IGSF3: variants seen among roughly 807,000 people sequenced by gnomAD.
IGSF3 encodes immunoglobulin superfamily member 3.
A neutral mutation model predicts 114.4 loss-of-function variants in IGSF3; 23 were observed. The observed-to-expected ratio is 0.20, with a 90% CI of 0.14 to 0.28. The LOEUF (loss-of-function observed/expected upper bound fraction) is 0.28. Ranked by LOEUF, IGSF3 falls within the 10% of genes least tolerant of loss-of-function variation. The pLI is 1.00. For missense variants in IGSF3, 1,172 were observed against 1,591.5 expected (o/e 0.74, Z 4.48); for synonymous variants, 571 against 645.2 (o/e 0.88, Z 1.74).
chr1:116,607,908 A>G lies in IGSF3; in HGVS notation c.1222+34T>C. On this transcript the variant is annotated intron_variant, in intron 5 of 10. Coordinates refer to ENST00000369486, the MANE Select transcript of IGSF3 (RefSeq NM_001007237.3). The surrounding 1 kb of genome is among the most constrained non-coding windows in gnomAD (Gnocchi z 6.1). ...TACCTCTCCTAAATGATGCTGAGCCAAAGGAGAAGAAAGCAGCACATCTCT... is the reference window on the plus strand; with the variant it reads ...TACCTCTCCTAAATGATGCTGAGCCGAAGGAGAAGAAAGCAGCACATCTCT... 6.2e-7 allele frequency: 1 copy of G among 1,603,534 alleles called. No individual in the cohort carries two copies. The highest frequency in any genetic ancestry group is 1.7e-5 in the Admixed American group (1 of 59,744).
At chr1:116,640,352 G>A (rs1648036024) in intron 2 of IGSF3, among the ~76,000 whole-genome samples, 1 of 152,098 alleles carries the variant, frequency 6.6e-6, no homozygotes, top group Non-Finnish European at 1.5e-5. Flanking sequence ...AAGCATTACA[G>A]GCTGTGCTTC....
intron 2 of IGSF3, among the ~76,000 whole-genome samples, chr1:116,619,664 C>T (rs1661349094): frequency 1.3e-5 from 2 of 152,206 alleles, no homozygotes; most frequent in African/African-American, 4.8e-5. Flanking sequence ...CCTCTGCTGC[C>T]TCCAAAGAGA....
intron 4 of IGSF3, among the ~76,000 whole-genome samples, chr1:116,609,517 C>T (rs1388144881): frequency 6.6e-6 from 1 of 152,096 alleles, no homozygotes; most frequent in Non-Finnish European, 1.5e-5. Context: ...CATTAGACAG[C>T]TATCGTATCT....
chr1:116,623,354 T>G (rs1661477859), intron 2 of IGSF3, among the ~76,000 whole-genome samples: 1 of 152,196 alleles, frequency 6.6e-6, no homozygotes, highest in Non-Finnish European at 1.5e-5. Context: ...ATGCAGAATC[T>G]GAGGCAAGGA....
Position 116,624,455 on chromosome 1 carries a change from T to C in IGSF3, c.44-7998A>G, listed in dbSNP as rs1330822157. ...GAAGGATTAAATGAGTTGCTACATT[T>C]AAAACTTAATTCCTGGCACACAATA... On this transcript the variant is annotated intron_variant, in intron 2 of 10. Transcript: ENST00000369486. This position sits in a 1 kb window ranked among gnomAD's most constrained non-coding sequence, Gnocchi z 4.9. 1.3e-5 allele frequency among the ~76,000 whole-genome samples: 2 copies of C among 152,210 alleles called. No individual in the cohort carries two copies. Among genetic ancestry groups the C allele is most frequent in the African/African-American group, 4.8e-5 (2 of 41,450 alleles).
intron 2 of IGSF3, among the ~76,000 whole-genome samples, chr1:116,653,553 A>G (rs945307320): frequency 6.6e-6 from 1 of 152,198 alleles, no homozygotes; most frequent in African/African-American, 2.4e-5. Flanking sequence ...TTTGTATTGC[A>G]TAATGTTTTA....
At position 116,633,325 on chromosome 1, in the gene IGSF3, G is replaced by T. The variant is rs1162137942; in HGVS notation, c.44-16868C>A. Among the ~76,000 whole-genome samples the T allele has an allele frequency of 6.6e-6, 1 of 152,144 alleles. No homozygotes were observed. Among genetic ancestry groups the T allele is most frequent in the East Asian group, 1.9e-4 (1 of 5,198 alleles). Reference sequence around the variant, plus strand: ...CAGGAAGTCCAGCAGAGTTGGTTTTGGTTTGGGGGTGTTTTTTGAGTTGGG... The same window carrying T: ...CAGGAAGTCCAGCAGAGTTGGTTTTTGTTTGGGGGTGTTTTTTGAGTTGGG... On this transcript the variant is annotated intron_variant, in intron 2 of 10. Transcript: ENST00000369486. The surrounding 1 kb of genome is among the most constrained non-coding windows in gnomAD (Gnocchi z 4.3).
rs1377176381 is a variant in IGSF3 at position 116,616,430 on chromosome 1, G to A, written c.71C>T (p.Thr24Ile). The change falls in exon 3 of 11, where the codon ACC becomes ATC. Residue 24 changes from threonine (T) to isoleucine (I), a missense_variant. By Grantham distance (89) the Thr-to-Ile change is moderately conservative. Around this residue, in one of 3 missense-constraint regions of IGSF3, gnomAD observed 736 missense variants for 1,042.0 expected, o/e 0.71. Coordinates refer to ENST00000369486, the MANE Select transcript of IGSF3 (RefSeq NM_001007237.3). This position sits in a 1 kb window ranked among gnomAD's most constrained non-coding sequence, Gnocchi z 6.6. ...GCGGTACAAGGGTCCTTCCTGAACG[G>A]TGACCTGCCGCTGTGCTGACACCAC... ...LGVVSAQRQV[T>I]VQEGPLYRTE... is the part of the protein sequence containing the mutation. 1 of 1,602,264 alleles carries A rather than the reference G, an allele frequency of 6.2e-7. No individual in the cohort carries two copies.
At chr1:116,619,286 T>C (rs1349819786) in intron 2 of IGSF3, among the ~76,000 whole-genome samples, 2 of 152,152 alleles carry the variant, frequency 1.3e-5, no homozygotes, top group Non-Finnish European at 2.9e-5. Flanking sequence ...CCAGAATGCA[T>C]CCTATTTACA....
rs114436520 is a variant in IGSF3, at chr1:116,661,631, C to T, written c.43+4653G>A. Among the ~76,000 whole-genome samples, 2,132 of 152,266 alleles carry T rather than the reference C, an allele frequency of 0.014. 53 individuals carry two copies. The highest frequency in any genetic ancestry group is 0.048 in the African/African-American group (2,006 of 41,534). ...CGGAATAGCTTATTAGATGTAAGAA[C>T]ACAGGATTTGGAACCAAATGGTCCT... On this transcript the variant is annotated intron_variant, in intron 2 of 10. Transcript: ENST00000369486. This position sits in a 1 kb window ranked among gnomAD's most constrained non-coding sequence, Gnocchi z 4.0.
Position 116,607,956 on chromosome 1 carries a change from A to G in IGSF3, c.1208T>C (p.Ile403Thr). 3 of 1,613,900 alleles carry G rather than the reference A, an allele frequency of 1.9e-6. No individual in the cohort carries two copies. The highest frequency in any genetic ancestry group is 1.7e-6 in the Non-Finnish European group (2 of 1,179,796). Residue 403 changes from isoleucine to threonine, a missense_variant, in exon 5 of 11, where the codon ATA becomes ACA. Ile to Thr is a moderately conservative substitution (Grantham distance 89, BLOSUM62 -1). Around this residue, in one of 3 missense-constraint regions of IGSF3, gnomAD observed 736 missense variants for 1,042.0 expected, o/e 0.71. Coordinates refer to ENST00000369486, the MANE Select transcript of IGSF3 (RefSeq NM_001007237.3). This position sits in a 1 kb window ranked among gnomAD's most constrained non-coding sequence, Gnocchi z 6.1. ...ESKRPKNIPI[I>T]VLPLKSSISV... ...TCTCTACTTACTGAGGGGGAGGACT[A>G]TGATGGGGATGTTCTTGGGACGCTT...
chr1:116,595,131 T>C lies in IGSF3; in HGVS notation c.2029+4810A>G, dbSNP rs1166760077. ...GGGCAAGGGGAAAGCAGCAAGAGTC[T>C]GCAGGTGGAAATAGCTAATGAAGGT... is the stretch of plus-strand genomic sequence containing the variant. On this transcript the variant is annotated intron_variant, in intron 7 of 10. Transcript: ENST00000369486. This position sits in a 1 kb window ranked among gnomAD's most constrained non-coding sequence, Gnocchi z 4.2. 6.6e-6 allele frequency among the ~76,000 whole-genome samples: 1 copy of C among 152,142 alleles called. No homozygotes were observed. Among genetic ancestry groups the C allele is most frequent in the Non-Finnish European group, 1.5e-5 (1 of 68,020 alleles).
In IGSF3 at chr1:116,664,396, C is replaced by T. The variant is rs1057048630; in HGVS notation, c.43+1888G>A. 6.6e-6 allele frequency among the ~76,000 whole-genome samples: 1 copy of T among 152,218 alleles called. No homozygotes were observed. The highest frequency in any genetic ancestry group is 1.5e-5 in the Non-Finnish European group (1 of 68,034). ...GCAGGGGGACCAGCATGCAGCCTTA[C>T]ATTACTTGAGCAGCCAGAAGAAACA... On this transcript the variant is annotated intron_variant, in intron 2 of 10. Transcript: ENST00000369486. This position sits in a 1 kb window ranked among gnomAD's most constrained non-coding sequence, Gnocchi z 4.6.
chr1:116,597,437 T>C (rs1462285109), intron 7 of IGSF3, among the ~76,000 whole-genome samples: 1 of 152,176 alleles, frequency 6.6e-6, no homozygotes, highest in African/African-American at 2.4e-5. Context: ...ACAGTAACAC[T>C]TAAGGGGATG....
rs1659675907 is a variant in IGSF3 at position 116,583,332 on chromosome 1, G to A, written c.2848+1313C>T. Among the ~76,000 whole-genome samples the A allele has an allele frequency of 6.6e-6, 1 of 152,118 alleles. No individual in the cohort carries two copies. Among genetic ancestry groups the A allele is most frequent in the Non-Finnish European group, 1.5e-5 (1 of 68,026 alleles). On this transcript the variant is annotated intron_variant, in intron 9 of 10. Coordinates refer to ENST00000369486, the MANE Select transcript of IGSF3 (RefSeq NM_001007237.3). The surrounding 1 kb of genome is among the most constrained non-coding windows in gnomAD (Gnocchi z 4.5). ...GGAAAAGACATGCAGCCATTTCTAG[G>A]CAAGGTAAAAAGCAAAAAATATAAA...
rs1348654808 is a variant in IGSF3, at chr1:116,595,440, G to T, written c.2029+4501C>A. Among the ~76,000 whole-genome samples, 1 of 152,224 alleles carries T rather than the reference G, an allele frequency of 6.6e-6. No homozygotes were observed. The highest frequency in any genetic ancestry group is 1.5e-5 in the Non-Finnish European group (1 of 68,032). On this transcript the variant is annotated intron_variant, in intron 7 of 10. Transcript: ENST00000369486. This position sits in a 1 kb window ranked among gnomAD's most constrained non-coding sequence, Gnocchi z 4.2. ...ATGGGGCAGCCATCCCTCAGAATGT[G>T]AAAGGAGAGCCAGTGTTCACATGCT...
At position 116,577,351 on chromosome 1, in the gene IGSF3, C is replaced by A; in HGVS notation, c.3546G>T (p.Glu1182Asp). 6.2e-7 allele frequency: 1 copy of A among 1,614,120 alleles called. No individual in the cohort carries two copies. Among genetic ancestry groups the A allele is most frequent in the Admixed American group, 1.7e-5 (1 of 60,022 alleles). ...CTGGATGGATACTGAGAACAGGGGGCTCCAGGCAAGTAGGGGAGTAGTTGA... is the reference window on the plus strand; with the variant it reads ...CTGGATGGATACTGAGAACAGGGGGATCCAGGCAAGTAGGGGAGTAGTTGA... ...PHLNYSPTCL[E>D]PPVLSIHPGA... Residue 1182 changes from glutamate to aspartate, a missense_variant, in exon 11 of 11, where the codon GAG (glutamate) becomes GAT (aspartate). Around this residue, in one of 3 missense-constraint regions of IGSF3, gnomAD observed 423 missense variants for 509.8 expected, o/e 0.83. Transcript: ENST00000369486. The surrounding 1 kb of genome is among the most constrained non-coding windows in gnomAD (Gnocchi z 5.7).
At chr1:116,652,096 T>C (rs1291295381) in intron 2 of IGSF3, among the ~76,000 whole-genome samples, 16 of 152,184 alleles carry the variant, frequency 1.1e-4, no homozygotes, top group Non-Finnish European at 1.6e-4. Context: ...TAACTTGGAA[T>C]TTCTGATACT....
rs1348146874 is a variant in IGSF3 at position 116,666,259 on chromosome 1, T to C, written c.43+25A>G. The C allele has an allele frequency of 1.9e-6, 3 of 1,609,166 alleles. No homozygotes were observed. In the African/African-American group the frequency reaches 4.0e-5, roughly 21 times the overall value. ...GAGCAGGTTAAACTTTCACATCGATTGCACTGATAAGCAGAGCCACTTACC... is the reference window on the plus strand; with the variant it reads ...GAGCAGGTTAAACTTTCACATCGATCGCACTGATAAGCAGAGCCACTTACC... On this transcript the variant is annotated intron_variant, in intron 2 of 10. Coordinates refer to ENST00000369486, the MANE Select transcript of IGSF3 (RefSeq NM_001007237.3).
Sources: gnomAD v4.1 joint callset for allele counts (sites outside exome capture counted in the v4.1 genomes callset) on GRCh38, gnomAD v4.1.1 for gene constraint, gnomAD v4.1.1 regional missense constraint, Gnocchi (gnomAD v3.1) non-coding constraint, MANE v1.5 for transcripts, NCBI Gene and HGNC (gene_info 2026-07-23, HGNC 2026-07-21) for gene names.